The following ADGRL2 variants were observed in gnomAD, a reference collection of about 807,000 sequenced individuals.
ADGRL2 encodes calcium-independent alpha-latrotoxin receptor 2.
Under a neutral mutation model 157.4 loss-of-function variants are expected in ADGRL2, and 44 were observed. The observed-to-expected ratio is 0.28, with a 90% confidence interval of 0.22 to 0.36. ADGRL2 has a LOEUF of 0.36. Among genes scored for constraint, ADGRL2 ranks in the 10% least tolerant of loss-of-function variants. The pLI is 1.00. For missense variants in ADGRL2, 1,510 were observed against 1,768.9 expected (o/e 0.85, Z 2.63); for synonymous variants, 585 against 624.7 (o/e 0.94, Z 0.95).
intron 2 of ADGRL2, among the ~76,000 whole-genome samples, chr1:81,781,673 A>G (rs1476783348): frequency 6.6e-6 from 1 of 152,184 alleles, no homozygotes; most frequent in Admixed American, 6.5e-5. Context: ...AGCCAAGGAT[A>G]TAGAACTTGG....
intron 1 of ADGRL2, among the ~76,000 whole-genome samples, chr1:81,333,165 G>C (rs1314072525): frequency 6.6e-6 from 1 of 152,116 alleles, no homozygotes; most frequent in Admixed American, 6.5e-5. Flanking sequence ...GCATCTACCA[G>C]AGTGTAACCA....
intron 15 of ADGRL2, among the ~76,000 whole-genome samples, chr1:81,970,086 C>A (rs1002827760): frequency 6.6e-6 from 1 of 151,962 alleles, no homozygotes; most frequent in Admixed American, 6.6e-5. Context: ...TTGATGAAAC[C>A]TAGCACACTT....
intron 2 of ADGRL2, among the ~76,000 whole-genome samples, chr1:81,457,046 T>C (rs2077822478): frequency 6.6e-6 from 1 of 152,238 alleles, no homozygotes. Flanking sequence ...GATATTTACA[T>C]AATACCTGAA....
chr1:81,320,458 A>G (rs1660425162), intron 1 of ADGRL2, among the ~76,000 whole-genome samples: 1 of 152,234 alleles, frequency 6.6e-6, no homozygotes, highest in Admixed American at 6.5e-5. Context: ...AAGAATCTCT[A>G]TCTATGGCAG....
At chr1:81,958,007 C>CAA (rs11428838) in intron 11 of ADGRL2, among the ~76,000 whole-genome samples, 4 of 149,980 alleles carry the variant, frequency 2.7e-5, no homozygotes, top group African/African-American at 7.4e-5. Context: ...CTAAAAAATA[C>CAA]AAAAAAAAAT....
At chr1:81,669,379 A>G (rs1174029759) in intron 3 of ADGRL2, among the ~76,000 whole-genome samples, 2 of 152,128 alleles carry the variant, frequency 1.3e-5, no homozygotes, top group African/African-American at 4.8e-5. Flanking sequence ...TGCACAGCAC[A>G]CTGCACTCCA....
At position 81,359,702 on chromosome 1, in the gene ADGRL2, A is replaced by T. The variant is rs146804596; in HGVS notation, c.-302+53193A>T. ...ATCTCTACCTAAATAGCTAATAGACATCTCAAATTTAACATTCCCCAAAGC... is the reference window on the plus strand; with the variant it reads ...ATCTCTACCTAAATAGCTAATAGACTTCTCAAATTTAACATTCCCCAAAGC... On this transcript the variant is annotated intron_variant, in intron 1 of 24. Coordinates refer to the ADGRL2 transcript ENST00000370721. Among the ~76,000 whole-genome samples the T allele has an allele frequency of 3.3e-4, 50 of 152,102 alleles. No homozygotes were observed. The East Asian group carries it at 8.9e-3, about 27-fold the overall frequency.
At chr1:81,348,667 G>T (rs569673716) in intron 1 of ADGRL2, among the ~76,000 whole-genome samples, 3 of 152,040 alleles carry the variant, frequency 2.0e-5, no homozygotes, top group African/African-American at 7.2e-5. Context: ...AACAAAGAAA[G>T]GTCTAACAAT....
At chr1:81,776,051 A>G (rs1267440348) in intron 2 of ADGRL2, among the ~76,000 whole-genome samples, 1 of 152,140 alleles carries the variant, frequency 6.6e-6, no homozygotes, top group East Asian at 1.9e-4. Flanking sequence ...ATGATTTACT[A>G]TCAGTGCTTC....
At chr1:81,321,498 G>A (rs113055728) in intron 1 of ADGRL2, among the ~76,000 whole-genome samples, 27 of 152,102 alleles carry the variant, frequency 1.8e-4, no homozygotes, top group Non-Finnish European at 2.6e-4. Flanking sequence ...TTCCTTTCAC[G>A]TAGAGGCCAT....
intron 11 of ADGRL2, among the ~76,000 whole-genome samples, chr1:81,957,872 A>T (rs1188218867): frequency 6.6e-6 from 1 of 151,758 alleles, no homozygotes; most frequent in African/African-American, 2.4e-5. Context: ...ATCAATATGA[A>T]AGTCATTTTA....
At chr1:81,516,172 G>A (rs7539877) in intron 2 of ADGRL2, among the ~76,000 whole-genome samples, 69,703 of 152,040 alleles carry the variant, frequency 0.46, 20,173 homozygotes, top group African/African-American at 0.82. Context: ...AAGTGAAATA[G>A]CTAGTCGATG....
At chr1:81,655,780 T>C (rs2082520720) in intron 3 of ADGRL2, among the ~76,000 whole-genome samples, 1 of 150,824 alleles carries the variant, frequency 6.6e-6, no homozygotes, top group Non-Finnish European at 1.5e-5. Context: ...AGCTGTGATC[T>C]CCCTCCGCCC....
rs1662698306 is a variant in ADGRL2, at chr1:81,349,230, CTCT to C, written c.-302+42722_-302+42724del. On this transcript the variant is annotated intron_variant, in intron 1 of 24. Coordinates refer to the ADGRL2 transcript ENST00000370721. Reference sequence around the variant, plus strand: ...GCACCAGGGCAGTCTGCATTCCTCACTCTACAGCACTAAAGAGGTGTCTGCTTG... The same window carrying C: ...GCACCAGGGCAGTCTGCATTCCTCACACAGCACTAAAGAGGTGTCTGCTTG... 2.0e-5 allele frequency among the ~76,000 whole-genome samples: 3 copies of C among 152,172 alleles called. No individual in the cohort carries two copies. In the South Asian group the frequency reaches 6.2e-4, roughly 32 times the overall value.
At chr1:81,880,281 A>G (rs1467535500) in intron 2 of ADGRL2, among the ~76,000 whole-genome samples, 1 of 152,160 alleles carries the variant, frequency 6.6e-6, no homozygotes, top group Non-Finnish European at 1.5e-5. Context: ...ATAGTTGGAC[A>G]CTTTCTGTCT....
intron 2 of ADGRL2, among the ~76,000 whole-genome samples, chr1:81,546,294 T>C (rs1007023692): frequency 3.3e-5 from 5 of 152,198 alleles, no homozygotes; most frequent in Non-Finnish European, 5.9e-5. Context: ...AGCATTTTAT[T>C]TGGGAACGCA....
At chr1:81,886,106 TACC>T (rs1407380385) in intron 2 of ADGRL2, among the ~76,000 whole-genome samples, 3 of 152,218 alleles carry the variant, frequency 2.0e-5, no homozygotes, top group African/African-American at 7.2e-5. Context: ...AAATAATTTA[TACC>T]TGATTTGTAT....
chr1:81,704,624 T>C (rs1319889495), intron 1 of ADGRL2, among the ~76,000 whole-genome samples: 1 of 152,134 alleles, frequency 6.6e-6, no homozygotes, highest in Non-Finnish European at 1.5e-5. Flanking sequence ...GCTTTCCTCT[T>C]CCCCACCTTT....
intron 1 of ADGRL2, among the ~76,000 whole-genome samples, chr1:81,746,335 C>G (rs1424161104): frequency 6.6e-6 from 1 of 152,116 alleles, no homozygotes; most frequent in Admixed American, 6.5e-5. Flanking sequence ...GTCGCCCAGG[C>G]TTGAGGGCAG....
Sources: allele counts gnomAD v4.1 joint callset (sites outside exome capture counted in the v4.1 genomes callset), GRCh38; gene constraint gnomAD v4.1.1; transcripts MANE v1.5; gene names NCBI Gene and HGNC (gene_info 2026-07-23, HGNC 2026-07-21).